Variants in CEPT1 observed in about 807,000 individuals in gnomAD.
The protein encoded by CEPT1 is choline/ethanolaminephosphotransferase 1.
A neutral mutation model predicts 42.6 loss-of-function variants in CEPT1; 7 were observed. The observed-to-expected ratio is 0.16, with a 90% CI of 0.09 to 0.31. The LOEUF (loss-of-function observed/expected upper bound fraction) is 0.31, where lower values mean the gene tolerates loss of function less well. CEPT1 is among the 10% of genes least tolerant of loss of function. The probability of loss-of-function intolerance (pLI) is 1.00; values close to 1 mark genes in which losing one functional copy is unlikely to be tolerated. For missense variants in CEPT1, 306 were observed against 502.1 expected (o/e 0.61, Z 3.73); for synonymous variants, 171 against 171.9 (o/e 0.99, Z 0.04).
intron 1 of CEPT1, among the ~76,000 whole-genome samples, chr1:111,147,132 G>C (rs1049051678): frequency 3.7e-4 from 56 of 152,204 alleles, no homozygotes; most frequent in African/African-American, 1.3e-3. Context: ...GGGTGGTTGT[G>C]AGGATTAAAG....
intron 1 of CEPT1, among the ~76,000 whole-genome samples, chr1:111,140,778 C>T (rs914343443): frequency 1.3e-5 from 2 of 152,208 alleles, no homozygotes; most frequent in Non-Finnish European, 2.9e-5. Flanking sequence ...CTTAGGAATG[C>T]GGTGCTGATG....
chr1:111,146,618 T>A (rs567930750), intron 1 of CEPT1, among the ~76,000 whole-genome samples: 2 of 152,342 alleles, frequency 1.3e-5, no homozygotes, highest in African/African-American at 4.8e-5. Flanking sequence ...CTGTACTTAC[T>A]AATTTTTAAT....
chr1:111,177,688 T>C (rs1278478939), intron 5 of CEPT1, among the ~76,000 whole-genome samples: 2 of 152,188 alleles, frequency 1.3e-5, no homozygotes, highest in African/African-American at 4.8e-5. Context: ...GATCAAATGT[T>C]TTGTCCTGTC....
rs760081586 is a variant in CEPT1, at chr1:111,182,273, T to C, written c.801T>C (p.Arg267=). ...TATTTTCCTGTACAAATTACTTCCG[T>C]GTAATCTTCACAGGTGGTGTTGGCA... ...GTIFSCTNYF[R]VIFTGGVGKN... The change falls in exon 6 of 9, where the codon CGT becomes CGC. Residue 267 remains arginine, a synonymous_variant. Coordinates refer to ENST00000357172, the MANE Select transcript of CEPT1 (RefSeq NM_006090.5). The C allele has an allele frequency of 6.2e-6, 10 of 1,613,172 alleles. No individual in the cohort carries two copies. In the Admixed American group the frequency reaches 1.3e-4, roughly 22 times the overall value.
chr1:111,140,931 A>G (rs1210339392), intron 1 of CEPT1, among the ~76,000 whole-genome samples: 1 of 152,260 alleles, frequency 6.6e-6, no homozygotes, highest in Non-Finnish European at 1.5e-5. Flanking sequence ...GGTGTTTGCC[A>G]GTATTCCCAG....
At chr1:111,182,509 C>A in intron 6 of CEPT1, 191 bp downstream of exon 6, 1 of 624,096 alleles carries the variant, frequency 1.6e-6, no homozygotes. Flanking sequence ...TATATTCATA[C>A]TTTTATGCAT....
chr1:111,144,964 A>C (rs1350615142), intron 1 of CEPT1, among the ~76,000 whole-genome samples: 1 of 152,200 alleles, frequency 6.6e-6, no homozygotes, highest in African/African-American at 2.4e-5. Flanking sequence ...GTGTGAAAGA[A>C]TTCCTCAAAA....
At chr1:111,176,458 T>A (rs1656680856) in intron 5 of CEPT1, among the ~76,000 whole-genome samples, 1 of 152,106 alleles carries the variant, frequency 6.6e-6, no homozygotes, top group East Asian at 1.9e-4. Context: ...ATACCAAAGT[T>A]TTCCCCCCAA....
rs922450419 is a variant in CEPT1, at chr1:111,161,136, C to T, written c.488-19C>T. The stretch of plus-strand genomic sequence containing the variant: ...GCTATTCATATTATTTGGTTTTCAT[C>T]GTGATCTTTCTTCTGCAGTTTTTGT... On this transcript the variant is annotated intron_variant, in intron 3 of 8. Transcript: ENST00000357172. The T allele has an allele frequency of 8.7e-6, 14 of 1,613,550 alleles. No individual in the cohort carries two copies. Among genetic ancestry groups the T allele is most frequent in the African/African-American group, 5.3e-5 (4 of 74,904 alleles).
intron 4 of CEPT1, among the ~76,000 whole-genome samples, chr1:111,164,655 G>T (rs1467426773): frequency 6.8e-6 from 1 of 147,254 alleles, no homozygotes; most frequent in Non-Finnish European, 1.5e-5. Context: ...ATGGACTCTT[G>T]CTCTGTTTCC....
chr1:111,165,251 T>G (rs1342567668), intron 4 of CEPT1, among the ~76,000 whole-genome samples: 1 of 151,628 alleles, frequency 6.6e-6, no homozygotes, highest in Non-Finnish European at 1.5e-5. Context: ...GGTTTCACCG[T>G]GTTAGCCAGG....
chr1:111,140,074 AG>A (rs1390148725), upstream of CEPT1: 3 of 152,432 alleles, frequency 2.0e-5, no homozygotes, highest in Non-Finnish European at 2.9e-5. Context: ...CTGGCGCCGA[AG>A]CCCCTATGCT....
In CEPT1 at chr1:111,156,952, G is replaced by A. The variant is rs1485241434; in HGVS notation, c.340-2428G>A. ...GTGATAAGATTATTTGTTTATGTCA[G>A]TTCTTTCCCATACACTTATCAGGAC... On this transcript the variant is annotated intron_variant, in intron 2 of 8. Coordinates refer to ENST00000357172, the MANE Select transcript of CEPT1 (RefSeq NM_006090.5). 2.0e-5 allele frequency among the ~76,000 whole-genome samples: 3 copies of A among 152,096 alleles called. No individual in the cohort carries two copies. In the East Asian group the frequency reaches 5.8e-4, roughly 29 times the overall value.
intron 5 of CEPT1, among the ~76,000 whole-genome samples, chr1:111,175,776 A>T (rs1237845238): frequency 6.6e-6 from 1 of 152,190 alleles, no homozygotes; most frequent in Non-Finnish European, 1.5e-5. Context: ...TATAGTTTTA[A>T]TGTATTCTTT....
chr1:111,178,287 A>G (rs2101392592), intron 5 of CEPT1: 1 of 152,348 alleles, frequency 6.6e-6, no homozygotes, highest in Non-Finnish European at 1.5e-5. Context: ...TATGGTCAGA[A>G]CAAATAAAAA....
At chr1:111,183,839 A>G (rs1571162505) in intron 8 of CEPT1, among the ~76,000 whole-genome samples, 1 of 152,156 alleles carries the variant, frequency 6.6e-6, no homozygotes, top group African/African-American at 2.4e-5. Flanking sequence ...CTGAGTAGAA[A>G]AGCATGAATC....
chr1:111,149,366 G>A (rs1655146900), intron 2 of CEPT1, among the ~76,000 whole-genome samples: 2 of 149,626 alleles, frequency 1.3e-5, no homozygotes, highest in Non-Finnish European at 2.9e-5. Context: ...GGGTTTAAGC[G>A]ATTCTCCTGC....
intron 5 of CEPT1, 108 bp from the exon 6 acceptor site, chr1:111,182,079 G>A (rs1433304102): frequency 1.4e-6 from 1 of 735,750 alleles, no homozygotes; most frequent in Non-Finnish European, 2.1e-6. Flanking sequence ...ACGTATTTAT[G>A]TAATTGGAGG....
intron 2 of CEPT1, among the ~76,000 whole-genome samples, chr1:111,151,102 A>G (rs1175775551): frequency 1.3e-5 from 2 of 151,440 alleles, no homozygotes; most frequent in Non-Finnish European, 2.9e-5. Context: ...CAAGGTAGTC[A>G]GAGCACTGCT....
Sources: gnomAD v4.1 joint callset for allele counts (sites outside exome capture counted in the v4.1 genomes callset) on GRCh38, gnomAD v4.1.1 for gene constraint, MANE v1.5 for transcripts, NCBI Gene and HGNC (gene_info 2026-07-23, HGNC 2026-07-21) for gene names.